The following ULK4 variants were observed in gnomAD, a reference collection of about 807,000 sequenced individuals.
ULK4 encodes inactive serine/threonine-protein kinase ULK4.
ULK4 carries 133 observed loss-of-function variants against 160.6 expected under a neutral mutation model. That is an observed-to-expected ratio of 0.83 (90% CI 0.72 to 0.96). ULK4 has a LOEUF of 0.96. Among genes scored for constraint, ULK4 ranks in the 40% least tolerant of loss-of-function variants. The pLI, the probability that ULK4 is intolerant of heterozygous loss-of-function variation, is 0.00. For synonymous variants in ULK4, 534 were observed against 539.8 expected (o/e 0.99, Z 0.15); for missense variants, 1,580 against 1,499.5 (o/e 1.05, Z -0.89).
intron 34 of ULK4, among the ~76,000 whole-genome samples, chr3:41,436,780 C>T (rs2083047023): frequency 6.6e-6 from 1 of 152,102 alleles, no homozygotes; most frequent in African/African-American, 2.4e-5. Flanking sequence ...TCAAGGCCCC[C>T]ATGTCCTCTG....
chr3:41,339,227 C>A (rs991972174), intron 35 of ULK4, among the ~76,000 whole-genome samples: 2 of 152,030 alleles, frequency 1.3e-5, no homozygotes, highest in African/African-American at 4.8e-5. Flanking sequence ...CTGGTCTTCA[C>A]CCCTGTCCAG....
chr3:41,657,834 A>AAAAAAAAAAAAAAAAAAAAC (rs1553628520), intron 30 of ULK4, among the ~76,000 whole-genome samples: 3 of 149,964 alleles, frequency 2.0e-5, no homozygotes, highest in African/African-American at 7.5e-5. Context: ...AAAAAAAAAA[A>AAAAAAAAAAAAAAAAAAAAC]ACACACACCA....
At chr3:41,657,331 T>C (rs1027203426) in intron 30 of ULK4, among the ~76,000 whole-genome samples, 1 of 152,216 alleles carries the variant, frequency 6.6e-6, no homozygotes, top group East Asian at 1.9e-4. Flanking sequence ...AATGTTCTAA[T>C]AGTTATTACA....
chr3:41,953,490 A>C (rs1700372650), intron 2 of ULK4, among the ~76,000 whole-genome samples: 1 of 151,522 alleles, frequency 6.6e-6, no homozygotes, highest in South Asian at 2.1e-4. Flanking sequence ...TTTAGTAGAG[A>C]CGGGGTTTCC....
chr3:41,898,393 A>T, intron 14 of ULK4, 39 bp downstream of exon 14: 3 of 1,235,862 alleles, frequency 2.4e-6, no homozygotes, highest in Non-Finnish European at 3.4e-6. Flanking sequence ...ATCTGTATAC[A>T]AAGAGTCTAC....
chr3:41,583,783 G>A (rs1418243757), intron 31 of ULK4, among the ~76,000 whole-genome samples: 2 of 152,198 alleles, frequency 1.3e-5, no homozygotes, highest in East Asian at 3.9e-4. Context: ...CTAACAGGAT[G>A]CTCTTGCAAA....
At chr3:41,325,770 T>G (rs978008294) in intron 35 of ULK4, among the ~76,000 whole-genome samples, 1 of 151,764 alleles carries the variant, frequency 6.6e-6, no homozygotes, top group East Asian at 1.9e-4. Context: ...ACAAAAAATA[T>G]CAGCCAGGCA....
At chr3:41,578,533 T>C (rs2029902897) in intron 31 of ULK4, among the ~76,000 whole-genome samples, 2 of 152,206 alleles carry the variant, frequency 1.3e-5, no homozygotes, top group Non-Finnish European at 2.9e-5. Context: ...GAATTTTTCA[T>C]CTCTCAGATA....
At chr3:41,269,897 G>A (rs1018250976) in intron 35 of ULK4, among the ~76,000 whole-genome samples, 5 of 152,088 alleles carry the variant, frequency 3.3e-5, no homozygotes, top group African/African-American at 1.2e-4. Flanking sequence ...GCTACCCTTG[G>A]TACTTTGTGA....
At chr3:41,608,981 T>G (rs958463088) in intron 31 of ULK4, among the ~76,000 whole-genome samples, 1 of 152,210 alleles carries the variant, frequency 6.6e-6, no homozygotes, top group African/African-American at 2.4e-5. Flanking sequence ...GAAGGAAGAA[T>G]GTGTATGTAC....
chr3:41,754,240 C>A, intron 22 of ULK4, 121 bp downstream of exon 22: 1 of 1,109,830 alleles, frequency 9.0e-7, no homozygotes, highest in Non-Finnish European at 1.3e-6. Context: ...AAATATTAAG[C>A]CCCTGGAAAA....
At chr3:41,370,458 T>C (rs1385070413) in intron 35 of ULK4, among the ~76,000 whole-genome samples, 2 of 152,084 alleles carry the variant, frequency 1.3e-5, no homozygotes, top group African/African-American at 4.8e-5. Flanking sequence ...ACTCAGCTCA[T>C]CTCACTGGGA....
chr3:41,660,078 T>C (rs2035093097), intron 30 of ULK4, among the ~76,000 whole-genome samples: 4 of 152,058 alleles, frequency 2.6e-5, no homozygotes, highest in Admixed American at 2.6e-4. Flanking sequence ...TCACCTGAGG[T>C]CGGGAGTTCG....
rs571534287 is a variant in ULK4 at position 41,615,538 on chromosome 3, A to C, written c.3120+131T>G. Reference sequence around the variant, plus strand: ...AAGAAAGCTGAAGTCCAAGGAGGTTAAGTGTGATGATGATGGACGTACAAT... The same window carrying C: ...AAGAAAGCTGAAGTCCAAGGAGGTTCAGTGTGATGATGATGGACGTACAAT... On this transcript the variant is annotated intron_variant, in intron 31 of 36. Coordinates refer to ENST00000301831, the MANE Select transcript of ULK4 (RefSeq NM_017886.4). The C allele has an allele frequency of 2.3e-5, 18 of 782,808 alleles. No homozygotes were observed. The South Asian group carries it at 3.0e-4, about 13-fold the overall frequency. The allele number at this position is 782,808 out of a possible 1,614,324, so 48.5% of individuals were successfully genotyped here.
At chr3:41,858,563 G>A (rs1163203946) in intron 17 of ULK4, among the ~76,000 whole-genome samples, 1 of 141,982 alleles carries the variant, frequency 7.0e-6, no homozygotes, top group Admixed American at 7.3e-5. Context: ...CATGATCTCA[G>A]CTCACTGCAA....
chr3:41,791,539 G>A (rs925915462), intron 20 of ULK4, among the ~76,000 whole-genome samples: 1 of 152,152 alleles, frequency 6.6e-6, no homozygotes, highest in African/African-American at 2.4e-5. Context: ...TTCCTCTTGA[G>A]GGCAGGACTG....
At chr3:41,560,721 G>GA in intron 32 of ULK4, among the ~76,000 whole-genome samples, 1 of 152,330 alleles carries the variant, frequency 6.6e-6, no homozygotes, top group East Asian at 1.9e-4. Flanking sequence ...TTTGTATCCT[G>GA]AGACTTTGCT....
At chr3:41,695,261 C>T (rs1306682640) in intron 27 of ULK4, among the ~76,000 whole-genome samples, 2 of 152,206 alleles carry the variant, frequency 1.3e-5, no homozygotes, top group Non-Finnish European at 2.9e-5. Flanking sequence ...TTTGAGGATA[C>T]ATTCGGACCA....
chr3:41,812,579 C>T (rs1261984080), intron 19 of ULK4, among the ~76,000 whole-genome samples: 1 of 152,186 alleles, frequency 6.6e-6, no homozygotes, highest in Non-Finnish European at 1.5e-5. Context: ...GAATTTCAGT[C>T]TCAGATGTGC....
Sources: gnomAD v4.1 joint callset for allele counts (sites outside exome capture counted in the v4.1 genomes callset) on GRCh38, gnomAD v4.1.1 for gene constraint, MANE v1.5 for transcripts, NCBI Gene and HGNC (gene_info 2026-07-23, HGNC 2026-07-21) for gene names.